SCHIP1: variants seen among roughly 807,000 people sequenced by gnomAD.
SCHIP1 encodes schwannomin interacting protein 1, also known as schwannomin-interacting protein 1.
Under a neutral mutation model 29.7 loss-of-function variants are expected in SCHIP1, and 8 were observed. That is an observed-to-expected ratio of 0.27 (90% CI 0.16 to 0.49). The LOEUF is 0.49. Among genes scored for constraint, SCHIP1 ranks in the 20% least tolerant of loss-of-function variants. SCHIP1 has a pLI of 0.99. For synonymous variants in SCHIP1, 76 were observed against 94.9 expected (o/e 0.80, Z 1.16); for missense variants, 193 against 294.6 (o/e 0.66, Z 2.52).
At chr3:159,694,600 G>C in the SCHIP1 span, among the ~76,000 whole-genome samples, 1 of 128,254 alleles carries the variant, frequency 7.8e-6, no homozygotes, top group African/African-American at 3.0e-5. Context: ...AAGAAAGAAA[G>C]AAAGAAAGGA....
At chr3:159,402,261 C>G in the SCHIP1 span, among the ~76,000 whole-genome samples, 1 of 151,982 alleles carries the variant, frequency 6.6e-6, no homozygotes, top group Non-Finnish European at 1.5e-5. Flanking sequence ...GAATGGCGAT[C>G]GTTAAAAAGT....
At chr3:159,535,476 C>T in the SCHIP1 span, among the ~76,000 whole-genome samples, 2 of 152,186 alleles carry the variant, frequency 1.3e-5, no homozygotes, top group African/African-American at 4.8e-5. Context: ...CCTGCTTCCT[C>T]CTGGTTCTGC....
chr3:159,621,118 A>G, the SCHIP1 span, among the ~76,000 whole-genome samples: 1 of 152,166 alleles, frequency 6.6e-6, no homozygotes, highest in African/African-American at 2.4e-5. Context: ...GATGAGAAAC[A>G]CTGTTGATGT....
exon 2 of SCHIP1, chr3:159,866,221 A>G (rs1714610966): frequency 1.2e-6 from 2 of 1,613,764 alleles, no homozygotes; most frequent in Non-Finnish European, 1.7e-6. Flanking sequence ...AGCTTCTTTG[A>G]TGATGGCCCA....
At chr3:159,374,828 T>C in the SCHIP1 span, among the ~76,000 whole-genome samples, 3 of 152,200 alleles carry the variant, frequency 2.0e-5, no homozygotes, top group Non-Finnish European at 4.4e-5. Context: ...AGCAGTCCAG[T>C]CTGGTGGCCA....
the SCHIP1 span, among the ~76,000 whole-genome samples, chr3:159,760,081 A>AG: frequency 0.011 from 41 of 3,704 alleles, 1 homozygote; most frequent in Admixed American, 0.066. Context: ...TTTGTTTTGC[A>AG]GGGGGGTGGG....
the SCHIP1 span, among the ~76,000 whole-genome samples, chr3:159,395,812 G>GAGTT: frequency 1.3e-5 from 2 of 151,836 alleles, 1 homozygote; most frequent in Non-Finnish European, 2.9e-5. Flanking sequence ...TTGAGGTGGA[G>GAGTT]AGTTCTGTAG....
At chr3:159,595,347 A>T in the SCHIP1 span, among the ~76,000 whole-genome samples, 3 of 152,042 alleles carry the variant, frequency 2.0e-5, no homozygotes, top group Admixed American at 6.6e-5. Flanking sequence ...TCCTGCTTCA[A>T]TGGTGAAGGA....
the SCHIP1 span, among the ~76,000 whole-genome samples, chr3:159,460,370 G>A: frequency 6.6e-6 from 1 of 152,170 alleles, no homozygotes; most frequent in Non-Finnish European, 1.5e-5. Context: ...GTAGAGCATA[G>A]CATGGAGATA....
the SCHIP1 span, among the ~76,000 whole-genome samples, chr3:159,652,358 C>T: frequency 2.0e-5 from 3 of 151,918 alleles, no homozygotes; most frequent in African/African-American, 4.8e-5. Context: ...TGTTAGACAC[C>T]GTTAAGAAGT....
At chr3:159,870,216 GTTTC>G (rs1715110988) in intron 2 of SCHIP1, among the ~76,000 whole-genome samples, 1 of 151,838 alleles carries the variant, frequency 6.6e-6, no homozygotes, top group Non-Finnish European at 1.5e-5. Context: ...CATGCTTTTG[GTTTC>G]TTTGTCTTAT....
chr3:159,358,759 C>T, the SCHIP1 span, among the ~76,000 whole-genome samples: 1 of 151,932 alleles, frequency 6.6e-6, no homozygotes, highest in Admixed American at 6.6e-5. Flanking sequence ...TTATATAATC[C>T]GTGAAAAATC....
At chr3:159,649,691 A>G in the SCHIP1 span, among the ~76,000 whole-genome samples, 2 of 152,214 alleles carry the variant, frequency 1.3e-5, no homozygotes, top group African/African-American at 4.8e-5. Flanking sequence ...CAAAATAGGT[A>G]TGCTGTGACT....
the SCHIP1 span, among the ~76,000 whole-genome samples, chr3:159,735,187 C>T: frequency 0.19 from 28,804 of 151,346 alleles, 3,190 homozygotes; most frequent in African/African-American, 0.29. Flanking sequence ...TTTTGGTTCT[C>T]ATAAGGCACC....
chr3:159,627,849 G>A, the SCHIP1 span, among the ~76,000 whole-genome samples: 1 of 152,196 alleles, frequency 6.6e-6, no homozygotes, highest in Non-Finnish European at 1.5e-5. Context: ...TTGTAAAAGT[G>A]TTTGCTGACT....
chr3:159,348,069 G>A, the SCHIP1 span, among the ~76,000 whole-genome samples: 1 of 152,098 alleles, frequency 6.6e-6, no homozygotes, highest in Non-Finnish European at 1.5e-5. Flanking sequence ...AGAAGTTTTT[G>A]TAATGTAGTG....
At chr3:159,569,597 T>C in the SCHIP1 span, among the ~76,000 whole-genome samples, 1 of 152,218 alleles carries the variant, frequency 6.6e-6, no homozygotes, top group African/African-American at 2.4e-5. Flanking sequence ...GTTCCAAGTC[T>C]TTGCTATTGT....
At chr3:159,273,880 C>T in the SCHIP1 span, 4 of 1,613,336 alleles carry the variant, frequency 2.5e-6, no homozygotes, top group Non-Finnish European at 1.7e-6. Context: ...AGCACTCTGA[C>T]AGTGTAAGTT....
At chr3:159,601,435 C>T in the SCHIP1 span, among the ~76,000 whole-genome samples, 1 of 152,180 alleles carries the variant, frequency 6.6e-6, no homozygotes, top group East Asian at 1.9e-4. Flanking sequence ...ACCATACTGC[C>T]AGTTAGGTTG....
Sources: gnomAD v4.1 joint callset for allele counts (sites outside exome capture counted in the v4.1 genomes callset) on GRCh38, gnomAD v4.1.1 for gene constraint, MANE v1.5 for transcripts, NCBI Gene and HGNC (gene_info 2026-07-23, HGNC 2026-07-21) for gene names.